The following DTNA variants were observed in gnomAD, a reference collection of about 807,000 sequenced individuals.
DTNA encodes dystrobrevin alpha, also known as dystrophin-related protein 3.
A neutral mutation model predicts 100.7 loss-of-function variants in DTNA; 43 were observed. That is an observed-to-expected ratio of 0.43 (90% CI 0.33 to 0.55). The LOEUF is 0.55. Ranked by LOEUF, DTNA falls within the 20% of genes least tolerant of loss-of-function variation. The pLI, the probability that DTNA is intolerant of heterozygous loss-of-function variation, is 0.04. For synonymous variants in DTNA, 349 were observed against 347.9 expected (o/e 1.00, Z -0.04); for missense variants, 798 against 953.9 (o/e 0.84, Z 2.15).
intron 3 of DTNA, among the ~76,000 whole-genome samples, chr18:34,771,721 AAAG>A (rs2093782740): frequency 1.3e-5 from 2 of 152,222 alleles, no homozygotes; most frequent in Admixed American, 6.5e-5. Flanking sequence ...GGAGCAGAAC[AAAG>A]AATACAAATA....
At chr18:34,887,631 GTGTGTGTGCA>G in intron 22 of DTNA, 125 bp from the exon 23 acceptor site, 1 of 582,958 alleles carries the variant, frequency 1.7e-6, no homozygotes, top group Non-Finnish European at 2.2e-6. Context: ...GGAAAGGAGT[GTGTGTGTGCA>G]TGTGTGTGTG....
chr18:34,574,068 A>C (rs1023821596), intron 1 of DTNA: 1 of 152,798 alleles, frequency 6.5e-6, no homozygotes, highest in Non-Finnish European at 1.5e-5. Flanking sequence ...CGACACCAGG[A>C]AGCTGACAGT....
chr18:34,682,674 G>A (rs749151860), intron 1 of DTNA, among the ~76,000 whole-genome samples: 1 of 151,974 alleles, frequency 6.6e-6, no homozygotes. Context: ...TGTCTGTTCC[G>A]ATCTTTGGCC....
Position 34,676,368 on chromosome 18 carries a change from G to C in DTNA, c.-1-79608G>C, listed in dbSNP as rs541498163. On this transcript the variant is annotated intron_variant, in intron 1 of 19. Coordinates refer to the DTNA transcript ENST00000283365. ...CTTCTTTCTTTTATGGTACTCTGTG[G>C]TAAGACACTGGTTCCTAGCTCCAAT... Among the ~76,000 whole-genome samples, 4 of 152,300 alleles carry C rather than the reference G, an allele frequency of 2.6e-5. No homozygotes were observed. The East Asian group carries it at 7.7e-4, about 29-fold the overall frequency.
intron 20 of DTNA, 144 bp downstream of exon 20, chr18:34,879,863 G>A (rs1349904517): frequency 4.7e-6 from 5 of 1,067,130 alleles, no homozygotes; most frequent in Non-Finnish European, 5.5e-6. Context: ...AGATATAGAA[G>A]GGTGCTACAT....
At chr18:34,595,964 C>T (rs567561963) in intron 1 of DTNA, among the ~76,000 whole-genome samples, 77 of 152,268 alleles carry the variant, frequency 5.1e-4, no homozygotes, top group African/African-American at 1.7e-3. Flanking sequence ...TTTCATGACA[C>T]CAGCATAAAG....
At chr18:34,565,780 A>G (rs2047030052) in intron 1 of DTNA, among the ~76,000 whole-genome samples, 1 of 152,212 alleles carries the variant, frequency 6.6e-6, no homozygotes, top group South Asian at 2.1e-4. Context: ...TATGTCTATA[A>G]AGACTCTTTT....
At chr18:34,806,193 G>GT (rs751014169) in intron 4 of DTNA, 26 bp from the exon 5 acceptor site, 167 of 1,599,890 alleles carry the variant, frequency 1.0e-4, no homozygotes, top group South Asian at 3.1e-4. Context: ...TTTTGTTTTT[G>GT]TTTTTTTTCT....
At chr18:34,736,776 C>G (rs1375551691) in intron 1 of DTNA, among the ~76,000 whole-genome samples, 1 of 152,158 alleles carries the variant, frequency 6.6e-6, no homozygotes, top group African/African-American at 2.4e-5. Context: ...TCAACCAAGT[C>G]ATTTGAGCAT....
At chr18:34,630,987 A>G (rs2058012137) in intron 1 of DTNA, among the ~76,000 whole-genome samples, 2 of 152,160 alleles carry the variant, frequency 1.3e-5, no homozygotes, top group Non-Finnish European at 2.9e-5. Flanking sequence ...GGACCTCAAC[A>G]TCATAGGCAT....
At chr18:34,860,220 G>GTATTTTTTTTTTTT (rs749839630) in intron 16 of DTNA, among the ~76,000 whole-genome samples, 2 of 80,280 alleles carry the variant, frequency 2.5e-5, no homozygotes, top group African/African-American at 9.4e-5. Flanking sequence ...CTAATTTTTT[G>GTATTTTTTTTTTTT]TTTTTTTTTT....
chr18:34,604,262 T>C (rs2052547943), intron 1 of DTNA, among the ~76,000 whole-genome samples: 1 of 152,182 alleles, frequency 6.6e-6, no homozygotes, highest in South Asian at 2.1e-4. Context: ...CTCCCATCAT[T>C]TCAAAATAAG....
In DTNA at chr18:34,518,010, T is replaced by C. The variant is rs150165626; in HGVS notation, c.-2+24496T>C. On this transcript the variant is annotated intron_variant, in intron 1 of 19. Coordinates refer to the DTNA transcript ENST00000283365. ...TTTAGTTTTGTAAGAAACTGCAAGC[T>C]ATATTTCAGAATGGATGTGCCAGTT... is the stretch of plus-strand genomic sequence containing the variant. Among the ~76,000 whole-genome samples the C allele has an allele frequency of 2.9e-3, 447 of 152,300 alleles. 1 individual carries two copies. Among genetic ancestry groups the C allele is most frequent in the African/African-American group, 0.01 (426 of 41,576 alleles).
chr18:34,647,506 T>G (rs1271787159), intron 1 of DTNA, among the ~76,000 whole-genome samples: 1 of 152,146 alleles, frequency 6.6e-6, no homozygotes, highest in Admixed American at 6.5e-5. Flanking sequence ...ACCACATGAC[T>G]TCACTGCAAA....
intron 1 of DTNA, among the ~76,000 whole-genome samples, chr18:34,549,766 T>G (rs951025679): frequency 2.0e-5 from 3 of 152,136 alleles, no homozygotes; most frequent in African/African-American, 4.8e-5. Context: ...ATGAGATTTT[T>G]TATTATTTGT....
intron 3 of DTNA, among the ~76,000 whole-genome samples, chr18:34,768,845 G>A (rs1026112849): frequency 5.3e-5 from 8 of 152,160 alleles, no homozygotes; most frequent in African/African-American, 1.9e-4. Flanking sequence ...ATCTAACTGA[G>A]AATATGGGCT....
At chr18:34,817,083 T>G (rs1346618399) in intron 7 of DTNA, among the ~76,000 whole-genome samples, 1 of 152,190 alleles carries the variant, frequency 6.6e-6, no homozygotes. Context: ...AAGCTATAAT[T>G]TCTTTCGTTC....
intron 13 of DTNA, among the ~76,000 whole-genome samples, chr18:34,847,495 C>T (rs1044990249): frequency 6.6e-6 from 1 of 152,048 alleles, no homozygotes; most frequent in African/African-American, 2.4e-5. Context: ...GTTGAGAATC[C>T]AGGTTTGGCT....
intron 3 of DTNA, among the ~76,000 whole-genome samples, chr18:34,788,147 A>G (rs1161848847): frequency 3.3e-5 from 5 of 152,208 alleles, no homozygotes; most frequent in East Asian, 1.9e-4. Flanking sequence ...CTAGTGGTTC[A>G]TAGTCATTAT....
Sources: gnomAD v4.1 joint callset for allele counts (sites outside exome capture counted in the v4.1 genomes callset) on GRCh38, gnomAD v4.1.1 for gene constraint, MANE v1.5 for transcripts, NCBI Gene and HGNC (gene_info 2026-07-23, HGNC 2026-07-21) for gene names.